RIC1: variants seen among roughly 807,000 people sequenced by gnomAD.
RIC1 encodes the protein RIC1 partner of RAB6A GEF complex.
Under a neutral mutation model 169.0 loss-of-function variants are expected in RIC1, and 88 were observed. That is an observed-to-expected ratio of 0.52 (90% CI 0.44 to 0.62). RIC1 has a LOEUF of 0.62. RIC1 is among the 20% of genes least tolerant of loss of function. RIC1 has a pLI of 0.00. For synonymous variants in RIC1, 790 were observed against 601.5 expected (o/e 1.31, Z -4.59); for missense variants, 1,877 against 1,725.5 (o/e 1.09, Z -1.56).
intron 16 of RIC1, 108 bp from the exon 17 acceptor site, chr9:5,757,205 C>T: frequency 7.9e-7 from 1 of 1,273,668 alleles, no homozygotes; most frequent in Non-Finnish European, 1.1e-6. Flanking sequence ...GGTAGTAAGA[C>T]ATCTGAGTCT....
In RIC1 at chr9:5,720,293, A is replaced by T. The variant is rs756248190; in HGVS notation, c.552A>T (p.Val184=). 3.1e-6 allele frequency: 5 copies of T among 1,613,518 alleles called. No individual in the cohort carries two copies. Among genetic ancestry groups the T allele is most frequent in the Non-Finnish European group, 4.2e-6 (5 of 1,179,700 alleles). ...NGRKAINLCT[V]PFSVDLQSSR... ...GGAAAGCCATTAATCTTTGCACAGTACCCTTTTCAGTAGACCTGCAGTCAT... is the reference window on the plus strand; with the variant it reads ...GGAAAGCCATTAATCTTTGCACAGTTCCCTTTTCAGTAGACCTGCAGTCAT... The change falls in exon 5 of 26, where the codon GTA becomes GTT. Residue 184 remains valine, a synonymous_variant. Coordinates refer to ENST00000414202, the MANE Select transcript of RIC1 (RefSeq NM_020829.4).
chr9:5,655,007 G>A (rs534192262), intron 1 of RIC1, among the ~76,000 whole-genome samples: 1 of 152,246 alleles, frequency 6.6e-6, no homozygotes, highest in East Asian at 1.9e-4. Flanking sequence ...TTTCTACATA[G>A]ATGATCACAT....
At chr9:5,681,211 A>G (rs893207012) in intron 2 of RIC1, among the ~76,000 whole-genome samples, 16 of 151,826 alleles carry the variant, frequency 1.1e-4, no homozygotes, top group Non-Finnish European at 1.9e-4. Context: ...TAGCTTTTGA[A>G]TGTGTTTGCT....
At chr9:5,692,717 A>T (rs1385407842) in intron 3 of RIC1, among the ~76,000 whole-genome samples, 1 of 152,060 alleles carries the variant, frequency 6.6e-6, no homozygotes, top group Non-Finnish European at 1.5e-5. Flanking sequence ...GATTATGTGA[A>T]TTCATATTCT....
chr9:5,720,681 G>C lies in RIC1; in HGVS notation c.651G>C (p.Gly217=), dbSNP rs1470116092. The C allele has an allele frequency of 1.9e-6, 3 of 1,612,006 alleles. No homozygotes were observed. Among genetic ancestry groups the C allele is most frequent in the Admixed American group, 1.7e-5 (1 of 59,708 alleles). ...RDMEYCATLD[G]FAVVFNDGKV... is the part of the protein sequence containing the mutation. ...TGGAATACTGTGCCACACTTGATGG[G>C]TTTGCTGTTGTATTTAATGATGGTA... The change falls in exon 6 of 26, where the codon GGG becomes GGC. Residue 217 remains glycine (G), a synonymous_variant. Coordinates refer to ENST00000414202, the MANE Select transcript of RIC1 (RefSeq NM_020829.4).
chr9:5,712,885 A>G (rs1823016578), intron 3 of RIC1: 1 of 152,192 alleles, frequency 6.6e-6, no homozygotes, highest in South Asian at 2.1e-4. Context: ...AGAAGGAATT[A>G]AGTAAGTACT....
rs375532789 is a variant in RIC1, at chr9:5,760,759, T to C, written c.1993-1782T>C. Among the ~76,000 whole-genome samples the C allele has an allele frequency of 1.3e-4, 20 of 152,320 alleles. No individual in the cohort carries two copies. The East Asian group carries it at 3.7e-3, about 28-fold the overall frequency. On this transcript the variant is annotated intron_variant, in intron 17 of 25. Coordinates refer to ENST00000414202, the MANE Select transcript of RIC1 (RefSeq NM_020829.4). ...TCATTTCTTTATACATAATCCCCTG[T>C]AGAATCTGAAAGCAGTAAGCAAGAG...
intron 3 of RIC1, chr9:5,713,452 A>C (rs1259039636): frequency 1.3e-5 from 2 of 152,398 alleles, no homozygotes; most frequent in African/African-American, 4.8e-5. Flanking sequence ...TTCACACCCA[A>C]AGAATAGGAA....
intron 2 of RIC1, among the ~76,000 whole-genome samples, chr9:5,679,535 C>T (rs1390773110): frequency 1.3e-5 from 2 of 152,080 alleles, no homozygotes; most frequent in Admixed American, 6.5e-5. Context: ...CTTTGTAGTT[C>T]TCCTTGAAGA....
At chr9:5,658,948 A>T (rs1819278467) in intron 2 of RIC1, among the ~76,000 whole-genome samples, 1 of 152,148 alleles carries the variant, frequency 6.6e-6, no homozygotes, top group African/African-American at 2.4e-5. Context: ...ATGTTTTCAA[A>T]TATGAATTAT....
chr9:5,705,337 C>G (rs1386189365), intron 3 of RIC1, among the ~76,000 whole-genome samples: 1 of 151,766 alleles, frequency 6.6e-6, no homozygotes, highest in Non-Finnish European at 1.5e-5. Flanking sequence ...TTAGTTCTCC[C>G]TTAATTTATT....
At chr9:5,728,258 C>A (rs904447986) in intron 6 of RIC1, among the ~76,000 whole-genome samples, 1 of 152,362 alleles carries the variant, frequency 6.6e-6, no homozygotes, top group Non-Finnish European at 1.5e-5. Context: ...CACCCCTCCC[C>A]CAGCTTCGCT....
chr9:5,678,635 A>T (rs1236887880), intron 2 of RIC1, among the ~76,000 whole-genome samples: 1 of 152,146 alleles, frequency 6.6e-6, no homozygotes, highest in Non-Finnish European at 1.5e-5. Context: ...TTTTGGCTGC[A>T]TAAATGTCTT....
chr9:5,646,209 G>C (rs1818502303), intron 1 of RIC1, among the ~76,000 whole-genome samples: 1 of 152,106 alleles, frequency 6.6e-6, no homozygotes. Context: ...TGTAAGTCAT[G>C]TGTATGCCTT....
chr9:5,643,352 G>C (rs1818343745), intron 1 of RIC1, among the ~76,000 whole-genome samples: 1 of 151,870 alleles, frequency 6.6e-6, no homozygotes, highest in African/African-American at 2.4e-5. Context: ...AACACATACT[G>C]AGAACCAGGA....
In RIC1 at chr9:5,770,192, T is replaced by C. The variant is rs1337797063; in HGVS notation, c.3530T>C (p.Ile1177Thr). Residue 1177 changes from isoleucine to threonine, a missense_variant, in exon 23 of 26, where the codon ATT becomes ACT. This residue lies in a region of RIC1 where 681 missense variants were observed against 582.0 expected (regional missense o/e 1.17). Transcript: ENST00000414202. ...CGAAGTCAGAGCTGGCTCAGCAACA[T>C]TGGCCCCACCCATCATGAGATAGAC... is the stretch of plus-strand genomic sequence containing the variant. ...IQRSQSWLSN[I>T]GPTHHEIDTA... 5.6e-6 allele frequency: 9 copies of C among 1,613,886 alleles called. No individual in the cohort carries two copies. In the East Asian group the frequency reaches 1.1e-4, roughly 20 times the overall value.
At chr9:5,656,743 A>AT in intron 2 of RIC1, 53 bp downstream of exon 2, 3 of 1,015,580 alleles carry the variant, frequency 3.0e-6, no homozygotes, top group Non-Finnish European at 4.5e-6. Flanking sequence ...ATTACATCGC[A>AT]TTTAAATTTG....
intron 12 of RIC1, among the ~76,000 whole-genome samples, chr9:5,752,336 A>G (rs1825770503): frequency 6.6e-6 from 1 of 152,160 alleles, no homozygotes; most frequent in Non-Finnish European, 1.5e-5. Context: ...GTACATATAT[A>G]TATGTTTGTT....
At chr9:5,727,835 C>A (rs1027068165) in intron 6 of RIC1, among the ~76,000 whole-genome samples, 1 of 152,240 alleles carries the variant, frequency 6.6e-6, no homozygotes, top group African/African-American at 2.4e-5. Flanking sequence ...CTGGGTATCA[C>A]TAGCGGAGGC....
Sources: allele counts gnomAD v4.1 joint callset (sites outside exome capture counted in the v4.1 genomes callset), GRCh38; gene constraint gnomAD v4.1.1; regional missense constraint gnomAD v4.1.1; transcripts MANE v1.5; gene names NCBI Gene and HGNC (gene_info 2026-07-23, HGNC 2026-07-21).